The following DNAH7 variants were observed in gnomAD, a reference collection of about 807,000 sequenced individuals.
DNAH7 encodes dynein axonemal heavy chain 7.
A neutral mutation model predicts 444.6 loss-of-function variants in DNAH7; 397 were observed. That is an observed-to-expected ratio of 0.89 (90% CI 0.82 to 0.97). The LOEUF is 0.97. DNAH7 is among the 50% of genes least tolerant of loss of function. The probability of loss-of-function intolerance (pLI) is 0.00; values close to 1 mark genes in which losing one functional copy is unlikely to be tolerated. For missense variants in DNAH7, 4,902 were observed against 4,800.8 expected (o/e 1.02, Z -0.62); for synonymous variants, 1,636 against 1,624.4 (o/e 1.01, Z -0.17).
chr2:195,934,755 T>G lies in DNAH7; in HGVS notation c.3307A>C (p.Ile1103Leu), dbSNP rs1173931020. 3 of 1,614,112 alleles carry G rather than the reference T, an allele frequency of 1.9e-6. No homozygotes were observed. Among genetic ancestry groups the G allele is most frequent in the Non-Finnish European group, 2.5e-6 (3 of 1,179,972 alleles). ...GTTTCCGTAAATTCTACCTTTGCGA[T>G]TCCTTCAAAACATTTCTTCAAGTGA... is the stretch of plus-strand genomic sequence containing the variant. ...QPHLKKCFEG[I>L]AKVEFTETLD... Residue 1103 changes from isoleucine to leucine, a missense_variant, in exon 21 of 65, where the codon ATC becomes CTC. Transcript: ENST00000312428.
chr2:196,045,250 AAAAG>A, intron 5 of DNAH7, among the ~76,000 whole-genome samples: 1 of 150,986 alleles, frequency 6.6e-6, no homozygotes, highest in East Asian at 1.9e-4. Flanking sequence ...GGAGGGAAGA[AAAAG>A]AAGAAGGGAA....
At chr2:196,024,406 C>G (rs1319827333) in intron 8 of DNAH7, 23 bp downstream of exon 8, 2 of 1,514,042 alleles carry the variant, frequency 1.3e-6, no homozygotes, top group Non-Finnish European at 1.8e-6. Flanking sequence ...AATCAACATT[C>G]TTAGAGAAAT....
At chr2:195,744,882 A>G (rs1412263189) in intron 63 of DNAH7, among the ~76,000 whole-genome samples, 2 of 152,218 alleles carry the variant, frequency 1.3e-5, no homozygotes, top group Non-Finnish European at 2.9e-5. Context: ...GATCAAAAGT[A>G]GATAAAACCA....
chr2:195,779,554 G>GT (rs566757183), intron 58 of DNAH7, among the ~76,000 whole-genome samples: 55 of 148,168 alleles, frequency 3.7e-4, no homozygotes, highest in Admixed American at 1.0e-3. Context: ...AATATTTGTT[G>GT]TTTTTTTTTT....
chr2:195,767,567 C>A (rs1034513512), intron 61 of DNAH7, among the ~76,000 whole-genome samples: 3 of 151,832 alleles, frequency 2.0e-5, no homozygotes, highest in African/African-American at 7.2e-5. Context: ...TACAGGATAT[C>A]CTTTTTCTTG....
intron 17 of DNAH7, among the ~76,000 whole-genome samples, chr2:195,963,535 C>A (rs1340755862): frequency 1.3e-5 from 2 of 152,202 alleles, no homozygotes; most frequent in Non-Finnish European, 2.9e-5. Context: ...GGGTAGTTCG[C>A]AAATATTTTC....
chr2:196,029,182 A>C (rs1019613813), intron 5 of DNAH7, among the ~76,000 whole-genome samples: 2 of 152,238 alleles, frequency 1.3e-5, no homozygotes, highest in African/African-American at 4.8e-5. Flanking sequence ...ACTCAGCAGT[A>C]ACATATTTCA....
intron 2 of DNAH7, among the ~76,000 whole-genome samples, chr2:196,053,536 AG>A (rs1346491332): frequency 6.6e-6 from 1 of 152,246 alleles, no homozygotes; most frequent in Non-Finnish European, 1.5e-5. Flanking sequence ...CATGAGAAGC[AG>A]GGGACTAGAG....
chr2:195,936,454 C>T, intron 20 of DNAH7, 145 bp downstream of exon 20: 1 of 477,626 alleles, frequency 2.1e-6, no homozygotes, highest in East Asian at 3.6e-5. Flanking sequence ...AATAATTATC[C>T]AAAGTTGATT....
chr2:195,869,729 G>A (rs2125117031), intron 40 of DNAH7, among the ~76,000 whole-genome samples: 1 of 152,238 alleles, frequency 6.6e-6, no homozygotes, highest in South Asian at 2.1e-4. Context: ...ATGAGGATGA[G>A]AGCAGGAGGC....
At chr2:195,785,331 C>G (rs1430998165) in intron 58 of DNAH7, among the ~76,000 whole-genome samples, 1 of 151,730 alleles carries the variant, frequency 6.6e-6, no homozygotes, top group South Asian at 2.1e-4. Flanking sequence ...CTCAGTCTGT[C>G]TGTGTGTGTG....
chr2:195,864,407 T>C lies in DNAH7; in HGVS notation c.7248A>G (p.Leu2416=). Residue 2416 remains leucine (L), a synonymous_variant, in exon 41 of 65, where the codon CTA becomes CTG. Coordinates refer to ENST00000312428, the MANE Select transcript of DNAH7 (RefSeq NM_018897.3). ...ESFLEDVSNL[L]NAGEIPNLFA... The stretch of plus-strand genomic sequence containing the variant: ...AGAGATTTGGAATCTCCCCAGCATT[T>C]AGCAGATTACTGACATCTTCCAGAA... The C allele has an allele frequency of 6.2e-7, 1 of 1,614,214 alleles. No homozygotes were observed. Among genetic ancestry groups the C allele is most frequent in the Non-Finnish European group, 8.5e-7 (1 of 1,180,044 alleles).
chr2:195,897,795 T>C (rs369216466), intron 28 of DNAH7, 30 bp from the exon 29 acceptor site: 17 of 1,303,162 alleles, frequency 1.3e-5, no homozygotes, highest in Non-Finnish European at 1.7e-5. Context: ...CTCATGAGGA[T>C]ATCTGCATCT....
chr2:195,926,362 G>A, intron 22 of DNAH7, 64 bp downstream of exon 22: 1 of 1,305,146 alleles, frequency 7.7e-7, no homozygotes, highest in African/African-American at 1.5e-5. Context: ...TAAAATAAGT[G>A]TATTCTGGCA....
chr2:195,962,433 T>C (rs1691174009), intron 17 of DNAH7, among the ~76,000 whole-genome samples: 1 of 152,142 alleles, frequency 6.6e-6, no homozygotes, highest in Non-Finnish European at 1.5e-5. Context: ...TCACGCAGCC[T>C]CGACTTCCTG....
Position 195,876,606 on chromosome 2 carries a change from C to G in DNAH7, c.6055G>C (p.Val2019Leu). The change falls in exon 37 of 65, where the codon GTC (valine) becomes CTC (leucine). Residue 2019 changes from valine to leucine, a missense_variant. Val to Leu is a conservative substitution (Grantham distance 32, BLOSUM62 1). Transcript: ENST00000312428. ...QTTAAQTQNI[V>L]MSKLDKRRKG... ...CTTCTCTTGTCCAATTTTGACATGA[C>G]AATATTCTGAGTTTGAGCTGCTGTA... 6.2e-7 allele frequency: 1 copy of G among 1,613,668 alleles called. No homozygotes were observed. Among genetic ancestry groups the G allele is most frequent in the Non-Finnish European group, 8.5e-7 (1 of 1,179,746 alleles).
chr2:196,039,814 A>T (rs1161499375), intron 5 of DNAH7, among the ~76,000 whole-genome samples: 65 of 151,790 alleles, frequency 4.3e-4, no homozygotes, highest in Non-Finnish European at 1.0e-4. Flanking sequence ...GACAAAAAAA[A>T]GATTTCAAAA....
chr2:195,931,627 A>G (rs1306449859), intron 21 of DNAH7, among the ~76,000 whole-genome samples: 4 of 151,982 alleles, frequency 2.6e-5, no homozygotes, highest in African/African-American at 9.7e-5. Flanking sequence ...ATCCAGTTTC[A>G]GCTTTCTACA....
chr2:195,813,536 C>T lies in DNAH7; in HGVS notation c.9761+3092G>A, dbSNP rs572031511. 9.2e-5 allele frequency among the ~76,000 whole-genome samples: 14 copies of T among 152,294 alleles called. No individual in the cohort carries two copies. The South Asian group carries it at 2.9e-3, about 32-fold the overall frequency. On this transcript the variant is annotated intron_variant, in intron 51 of 64. Coordinates refer to ENST00000312428, the MANE Select transcript of DNAH7 (RefSeq NM_018897.3). ...AAGCTTATTTCAAGTTGCAAAACTACCTCCTGTCATACAGATACGAAAAGT... is the reference window on the plus strand; with the variant it reads ...AAGCTTATTTCAAGTTGCAAAACTATCTCCTGTCATACAGATACGAAAAGT...
Sources: allele counts gnomAD v4.1 joint callset (sites outside exome capture counted in the v4.1 genomes callset), GRCh38; gene constraint gnomAD v4.1.1; transcripts MANE v1.5; gene names NCBI Gene and HGNC (gene_info 2026-07-23, HGNC 2026-07-21).